SWAP70: variants seen among roughly 807,000 people sequenced by gnomAD.
SWAP70 encodes switching B cell complex subunit SWAP70.
SWAP70 carries 34 observed loss-of-function variants against 80.2 expected under a neutral mutation model. That is an observed-to-expected ratio of 0.42 (90% CI 0.32 to 0.56). The LOEUF (loss-of-function observed/expected upper bound fraction) is 0.56. SWAP70 is among the 20% of genes least tolerant of loss of function. SWAP70 has a pLI of 0.09. For missense variants in SWAP70, 578 were observed against 690.7 expected (o/e 0.84, Z 1.83); for synonymous variants, 239 against 238.5 (o/e 1.00, Z -0.02).
In SWAP70 at chr11:9,751,047, A is replaced by T. The variant is rs1461993825; in HGVS notation, c.*1077A>T. On this transcript the variant is annotated 3_prime_UTR_variant, in exon 12 of 12. Transcript: ENST00000318950. The stretch of plus-strand genomic sequence containing the variant: ...GTATATGCCAGGCTGTGAGAGGATT[A>T]TACTGAGTAGTAGAAAGAAGCTAAT... The T allele has an allele frequency of 6.6e-6, 1 of 152,240 alleles. No individual in the cohort carries two copies. Among genetic ancestry groups the T allele is most frequent in the East Asian group, 1.9e-4 (1 of 5,206 alleles). The allele number at this position is 152,240 out of a possible 1,614,324, so 9.4% of individuals were successfully genotyped here. A position where few individuals can be genotyped will look rare whatever the true frequency, so the allele number is the denominator to read the frequency against.
intron 4 of SWAP70, among the ~76,000 whole-genome samples, chr11:9,725,562 TATA>T (rs1301372712): frequency 1.3e-3 from 28 of 20,772 alleles, no homozygotes; most frequent in East Asian, 4.9e-3. Context: ...TATATATATA[TATA>T]TATATTTTTT....
chr11:9,726,605 G>A (rs1851228360), intron 4 of SWAP70, among the ~76,000 whole-genome samples: 1 of 152,166 alleles, frequency 6.6e-6, no homozygotes, highest in Non-Finnish European at 1.5e-5. Context: ...TATGTAATAT[G>A]ATTAGAACTT....
intron 6 of SWAP70, 79 bp from the exon 7 acceptor site, chr11:9,732,450 A>C: frequency 7.2e-7 from 1 of 1,391,042 alleles, no homozygotes; most frequent in Non-Finnish European, 9.9e-7. Context: ...TTTTCTTCCC[A>C]CTGTGCCATT....
At chr11:9,736,142 A>G (rs576911198) in intron 7 of SWAP70, among the ~76,000 whole-genome samples, 1 of 152,250 alleles carries the variant, frequency 6.6e-6, no homozygotes, top group African/African-American at 2.4e-5. Flanking sequence ...GAGTCCCTCT[A>G]GTGAATTTTT....
intron 1 of SWAP70, among the ~76,000 whole-genome samples, chr11:9,672,034 T>G (rs1371822116): frequency 8.2e-6 from 1 of 122,058 alleles, no homozygotes; most frequent in South Asian, 2.3e-4. Context: ...TATATTTTAA[T>G]AATATATTTT....
At chr11:9,745,755 A>G (rs150134760) in intron 9 of SWAP70, among the ~76,000 whole-genome samples, 38 of 152,372 alleles carry the variant, frequency 2.5e-4, no homozygotes, top group South Asian at 6.2e-4. Context: ...TTTTTGATAA[A>G]TGAGGAAGCC....
intron 1 of SWAP70, among the ~76,000 whole-genome samples, chr11:9,665,847 A>T (rs1850300888): frequency 6.6e-6 from 1 of 151,944 alleles, no homozygotes; most frequent in East Asian, 1.9e-4. Flanking sequence ...TTTACTTTTA[A>T]CTTACCTATG....
At chr11:9,724,118 A>T (rs1321339396) in intron 3 of SWAP70, among the ~76,000 whole-genome samples, 1 of 152,198 alleles carries the variant, frequency 6.6e-6, no homozygotes, top group Non-Finnish European at 1.5e-5. Context: ...ACAAAGTATG[A>T]TGTTTTAGGA....
intron 2 of SWAP70, 136 bp from the exon 3 acceptor site, chr11:9,713,330 T>C: frequency 1.2e-6 from 1 of 860,136 alleles, no homozygotes; most frequent in Non-Finnish European, 1.7e-6. Flanking sequence ...CTAAAGCAAA[T>C]ATGTAGGATA....
At chr11:9,740,708 G>C (rs1851425376) in intron 9 of SWAP70, 1 of 313,218 alleles carries the variant, frequency 3.2e-6, no homozygotes, top group African/African-American at 2.2e-5. Context: ...AGGGCCATTG[G>C]TATGCAGGCA....
At chr11:9,672,411 C>T (rs1255135665) in intron 1 of SWAP70, among the ~76,000 whole-genome samples, 2 of 151,294 alleles carry the variant, frequency 1.3e-5, no homozygotes, top group Non-Finnish European at 2.9e-5. Context: ...GTCACTCAGG[C>T]TGGAGTGCAG....
At chr11:9,698,093 G>GTTTTTTTTTTTTTTTTTTTTTTTTT (rs201181416) in intron 2 of SWAP70, among the ~76,000 whole-genome samples, 1 of 109,584 alleles carries the variant, frequency 9.1e-6, no homozygotes, top group Non-Finnish European at 1.8e-5. Context: ...GCCAATACAT[G>GTTTTTTTTTTTTTTTTTTTTTTTTT]TTTTTTGTTT....
intron 1 of SWAP70, among the ~76,000 whole-genome samples, chr11:9,686,252 A>G (rs1850630369): frequency 6.6e-6 from 1 of 151,904 alleles, no homozygotes; most frequent in Admixed American, 6.6e-5. Context: ...ATGTACACAC[A>G]TGCATATACA....
At chr11:9,726,861 A>G (rs1263426679) in intron 4 of SWAP70, 1 of 456,162 alleles carries the variant, frequency 2.2e-6, no homozygotes. Context: ...TAGAAGCCAC[A>G]TTTAGAAGCC....
chr11:9,743,489 A>T (rs9666507), intron 9 of SWAP70, among the ~76,000 whole-genome samples: 12,519 of 148,106 alleles, frequency 0.085, 1,424 homozygotes, highest in East Asian at 0.26. Context: ...ACTTCCACAA[A>T]GGTTGAACTA....
At chr11:9,712,583 C>G (rs997838079) in intron 2 of SWAP70, among the ~76,000 whole-genome samples, 2 of 152,024 alleles carry the variant, frequency 1.3e-5, no homozygotes, top group African/African-American at 4.8e-5. Flanking sequence ...AAAAATAGGC[C>G]AGGCACAGTG....
intron 6 of SWAP70, among the ~76,000 whole-genome samples, chr11:9,730,164 A>C (rs1359763383): frequency 1.3e-5 from 2 of 152,048 alleles, no homozygotes; most frequent in South Asian, 2.1e-4. Flanking sequence ...CTGTATGTCC[A>C]TGTGTACACA....
rs1173482742 is a variant in SWAP70 at position 9,750,592 on chromosome 11, T to C, written c.*622T>C. The C allele has an allele frequency of 2.0e-5, 3 of 152,440 alleles. No individual in the cohort carries two copies. Among genetic ancestry groups the C allele is most frequent in the Non-Finnish European group, 4.4e-5 (3 of 68,200 alleles). The allele number at this position is 152,440 out of a possible 1,614,324, so 9.4% of individuals were successfully genotyped here. A position where few individuals can be genotyped will look rare whatever the true frequency, so the allele number is the denominator to read the frequency against. ...AGATTCTTCCCCAAATGAGGCAGGG[T>C]GCAGACAGCACAGTCAGCTCTGCAG... On this transcript the variant is annotated 3_prime_UTR_variant, in exon 12 of 12. Coordinates refer to ENST00000318950, the MANE Select transcript of SWAP70 (RefSeq NM_015055.4).
chr11:9,751,552 G>C lies in SWAP70; in HGVS notation c.*1582G>C, dbSNP rs1851590079. 1 of 152,204 alleles carries C rather than the reference G, an allele frequency of 6.6e-6. No individual in the cohort carries two copies. The highest frequency in any genetic ancestry group is 1.5e-5 in the Non-Finnish European group (1 of 68,046). The allele number at this position is 152,204 out of a possible 1,614,324, so 9.4% of individuals were successfully genotyped here. On this transcript the variant is annotated 3_prime_UTR_variant, in exon 12 of 12. Coordinates refer to ENST00000318950, the MANE Select transcript of SWAP70 (RefSeq NM_015055.4). ...AGAATAAAGTCCTTTTCTCTTACAG[G>C]TATTAAATGAGGACAGAGAACCTCA...
Sources: gnomAD v4.1 joint callset for allele counts (sites outside exome capture counted in the v4.1 genomes callset) on GRCh38, gnomAD v4.1.1 for gene constraint, MANE v1.5 for transcripts, NCBI Gene and HGNC (gene_info 2026-07-23, HGNC 2026-07-21) for gene names.